The following SGCZ variants were observed in gnomAD, a reference collection of about 807,000 sequenced individuals.
The protein encoded by SGCZ is zeta-sarcoglycan.
Under a neutral mutation model 41.3 loss-of-function variants are expected in SGCZ, and 40 were observed. The ratio of observed to expected loss-of-function variants is 0.97; its 90% CI spans 0.75 to 1.26. The LOEUF is 1.26. SGCZ is among the 50% of genes most tolerant of loss of function. SGCZ has a pLI of 0.00. For missense variants in SGCZ, 552 were observed against 369.8 expected, an observed-to-expected ratio of 1.49 and a Z score of -4.04; for synonymous variants, 206 against 137.5, an observed-to-expected ratio of 1.50 and a Z score of -3.49.
At chr8:14,929,563 T>C (rs894040762) in intron 1 of SGCZ, among the ~76,000 whole-genome samples, 2 of 151,706 alleles carry the variant, frequency 1.3e-5, no homozygotes, top group Non-Finnish European at 2.9e-5. Flanking sequence ...GTCAAATAAA[T>C]TCAAATATAA....
rs556419572 is a variant in SGCZ at position 14,122,438 on chromosome 8, T to C, written c.548-14203A>G. Among the ~76,000 whole-genome samples, 618 of 152,310 alleles carry C rather than the reference T, an allele frequency of 4.1e-3. 1 individual carries two copies. The highest frequency in any genetic ancestry group is 7.0e-3 in the Non-Finnish European group (479 of 68,020). Reference sequence around the variant, plus strand: ...TTTCAAGGAATTTATCCCAAAGAGTTCTTTATGTGCACAGAGATGTAGCTA... The same window carrying C: ...TTTCAAGGAATTTATCCCAAAGAGTCCTTTATGTGCACAGAGATGTAGCTA... On this transcript the variant is annotated intron_variant, in intron 5 of 7. Transcript: ENST00000382080.
Position 14,099,030 on chromosome 8 carries a change from G to A in SGCZ, c.744+3346C>T, listed in dbSNP as rs548695477. The stretch of plus-strand genomic sequence containing the variant: ...AACCATAGCTCCACCCATATAAAAA[G>A]TCATTTTTTATAATAGATAAATTGA... On this transcript the variant is annotated intron_variant, in intron 7 of 7. Transcript: ENST00000382080. Among the ~76,000 whole-genome samples the A allele has an allele frequency of 5.7e-4, 87 of 152,210 alleles. 1 individual carries two copies. The South Asian group carries it at 0.018, about 31-fold the overall frequency.
At chr8:14,226,897 C>T (rs936001587) in intron 4 of SGCZ, among the ~76,000 whole-genome samples, 12 of 152,062 alleles carry the variant, frequency 7.9e-5, no homozygotes, top group Admixed American at 7.9e-4. Flanking sequence ...AGTCACTATA[C>T]TTATGACTTA....
chr8:14,244,223 T>A (rs1451853209), intron 3 of SGCZ, among the ~76,000 whole-genome samples: 1 of 150,758 alleles, frequency 6.6e-6, no homozygotes, highest in Non-Finnish European at 1.5e-5. Context: ...TCCTTCTTCC[T>A]CCTCCTTCTC....
chr8:14,914,774 T>A (rs1799377979), intron 1 of SGCZ, among the ~76,000 whole-genome samples: 1 of 152,184 alleles, frequency 6.6e-6, no homozygotes, highest in African/African-American at 2.4e-5. Context: ...CTTTGTATAC[T>A]TCTGAAAAAC....
At chr8:15,131,195 A>G (rs537390252) in intron 1 of SGCZ, among the ~76,000 whole-genome samples, 1 of 152,320 alleles carries the variant, frequency 6.6e-6, no homozygotes, top group South Asian at 2.1e-4. Flanking sequence ...CTTGAATTGT[A>G]GCTGCCAGGA....
intron 2 of SGCZ, among the ~76,000 whole-genome samples, chr8:14,479,731 C>CTTTTTTTTTTTTTTTTTTTTTTTTTTTTT (rs529812029): frequency 5.7e-5 from 3 of 52,972 alleles, no homozygotes; most frequent in African/African-American, 1.5e-4. Flanking sequence ...AATTCTACTT[C>CTTTTTTTTTTTTTTTTTTTTTTTTTTTTT]TTTTTTTTTT....
At chr8:14,586,194 A>G (rs998328562) in intron 1 of SGCZ, among the ~76,000 whole-genome samples, 4 of 151,990 alleles carry the variant, frequency 2.6e-5, no homozygotes, top group African/African-American at 9.7e-5. Context: ...CATATATAAA[A>G]TACTTTTTGG....
intron 1 of SGCZ, among the ~76,000 whole-genome samples, chr8:14,860,814 A>G (rs1282548525): frequency 3.9e-5 from 6 of 152,172 alleles, no homozygotes; most frequent in Admixed American, 2.6e-4. Flanking sequence ...TGTGACCAAC[A>G]TAGTTGCAGA....
chr8:14,246,845 G>A lies in SGCZ; in HGVS notation c.337-9166C>T, dbSNP rs548069943. Among the ~76,000 whole-genome samples, 86 of 144,194 alleles carry A rather than the reference G, an allele frequency of 6.0e-4. 1 individual carries two copies. The highest frequency in any genetic ancestry group is 2.2e-3 in the Admixed American group (30 of 13,930). 94.6% of individuals were successfully genotyped at this position (144,194 alleles called of 152,430 possible). On this transcript the variant is annotated intron_variant, in intron 3 of 7. Coordinates refer to ENST00000382080, the MANE Select transcript of SGCZ (RefSeq NM_139167.4). ...GAATGGCATGAACCCGGGAGGCAGA[G>A]CTTGCAGTGAGCCGAGATCGCGCCA...
At chr8:14,855,692 G>C (rs754852600) in intron 1 of SGCZ, among the ~76,000 whole-genome samples, 8 of 152,144 alleles carry the variant, frequency 5.3e-5, no homozygotes, top group Non-Finnish European at 8.8e-5. Context: ...TGCCAACAGA[G>C]GCCTGAGTCT....
chr8:14,806,349 A>G (rs1801528832), intron 1 of SGCZ, among the ~76,000 whole-genome samples: 1 of 150,678 alleles, frequency 6.6e-6, no homozygotes. Flanking sequence ...CTAATAAAGA[A>G]AAAAAGAGAG....
chr8:14,376,179 C>CG (rs1563288938), intron 2 of SGCZ, among the ~76,000 whole-genome samples: 1 of 151,666 alleles, frequency 6.6e-6, no homozygotes, highest in Non-Finnish European at 1.5e-5. Context: ...GGCATGGTGG[C>CG]GGCCGCCTGT....
chr8:15,096,433 T>A (rs1213147207), intron 1 of SGCZ, among the ~76,000 whole-genome samples: 1 of 152,082 alleles, frequency 6.6e-6, no homozygotes, highest in Non-Finnish European at 1.5e-5. Context: ...AAAGCAGGAA[T>A]AATATAATTT....
chr8:14,141,364 A>G (rs1803364054), intron 5 of SGCZ, among the ~76,000 whole-genome samples: 1 of 152,348 alleles, frequency 6.6e-6, no homozygotes, highest in African/African-American at 2.4e-5. Flanking sequence ...AGAAACTACC[A>G]TCAGAGTGAA....
At chr8:15,012,606 A>AAC (rs372754667) in intron 1 of SGCZ, among the ~76,000 whole-genome samples, 20 of 109,494 alleles carry the variant, frequency 1.8e-4, no homozygotes, top group African/African-American at 8.3e-4. Context: ...ATATTTATAT[A>AAC]ATACATATAT....
chr8:14,361,351 G>C (rs1280937621), intron 2 of SGCZ, among the ~76,000 whole-genome samples: 4 of 152,044 alleles, frequency 2.6e-5, no homozygotes, highest in Non-Finnish European at 1.5e-5. Context: ...TTTTCACATA[G>C]TCCCATATTT....
intron 1 of SGCZ, among the ~76,000 whole-genome samples, chr8:15,002,633 G>A (rs570795455): frequency 2.2e-4 from 34 of 152,212 alleles, no homozygotes; most frequent in African/African-American, 7.7e-4. Flanking sequence ...GGGTGTGAGT[G>A]CTCAGCTCAT....
At chr8:15,064,460 T>C (rs1173191045) in intron 1 of SGCZ, among the ~76,000 whole-genome samples, 1 of 151,410 alleles carries the variant, frequency 6.6e-6, no homozygotes, top group South Asian at 2.1e-4. Flanking sequence ...AAATTAAACC[T>C]TCTGGACTTA....
Sources: gnomAD v4.1 joint callset for allele counts (sites outside exome capture counted in the v4.1 genomes callset) on GRCh38, gnomAD v4.1.1 for gene constraint, MANE v1.5 for transcripts, NCBI Gene and HGNC (gene_info 2026-07-23, HGNC 2026-07-21) for gene names.